The following ERAP1 variants were observed in gnomAD, a reference collection of about 807,000 sequenced individuals.
The protein encoded by ERAP1 is adipocyte-derived leucine aminopeptidase.
ERAP1 carries 86 observed loss-of-function variants against 103.7 expected under a neutral mutation model. The ratio of observed to expected loss-of-function variants is 0.83; its 90% CI spans 0.70 to 0.99. The LOEUF (loss-of-function observed/expected upper bound fraction) is 0.99. Among genes scored for constraint, ERAP1 ranks in the 50% least tolerant of loss-of-function variants. The pLI is 0.00. For missense variants in ERAP1, 1,009 were observed against 1,128.4 expected (o/e 0.89, Z 1.52); for synonymous variants, 398 against 402.4 (o/e 0.99, Z 0.13).
At chr5:96,856,677 C>A in the ERAP1 span, among the ~76,000 whole-genome samples, 1 of 152,102 alleles carries the variant, frequency 6.6e-6, no homozygotes, top group Non-Finnish European at 1.5e-5. Context: ...TGGCCTTTGG[C>A]CATAGATCCC....
At position 96,774,703 on chromosome 5, in the gene ERAP1, T is replaced by C; in HGVS notation, c.*1693A>G. On this transcript the variant is annotated 3_prime_UTR_variant, in exon 19 of 19. Transcript: ENST00000443439. ...TTAAAATCTTGGTTGTGTATTTTTT[T>C]AAAAGAAGGGAAATAGTTTAGTTTG... 1.0e-6 allele frequency: 1 copy of C among 983,204 alleles called. No individual in the cohort carries two copies. Among genetic ancestry groups the C allele is most frequent in the Non-Finnish European group, 1.2e-6 (1 of 827,776 alleles). The allele number at this position is 983,204 out of a possible 1,614,324, so 60.9% of individuals were successfully genotyped here. A position where few individuals can be genotyped will look rare whatever the true frequency, so the allele number is the denominator to read the frequency against.
chr5:96,868,640 T>C, the ERAP1 span, among the ~76,000 whole-genome samples: 1 of 152,172 alleles, frequency 6.6e-6, no homozygotes. Flanking sequence ...GGTTCTCAAA[T>C]TTTAGTGTGT....
the ERAP1 span, chr5:96,896,334 A>C: frequency 6.5e-7 from 1 of 1,541,504 alleles, no homozygotes; most frequent in Admixed American, 1.7e-5. Flanking sequence ...TTACAGTGTC[A>C]AATAGAAACT....
At chr5:96,794,586 C>T (rs1324105432) in intron 5 of ERAP1, among the ~76,000 whole-genome samples, 2 of 152,164 alleles carry the variant, frequency 1.3e-5, no homozygotes, top group Admixed American at 1.3e-4. Context: ...TTTGGATGCC[C>T]AAGACCCACA....
At chr5:96,818,765 T>C in the ERAP1 span, among the ~76,000 whole-genome samples, 1 of 152,180 alleles carries the variant, frequency 6.6e-6, no homozygotes, top group African/African-American at 2.4e-5. Context: ...CTCAATCTTA[T>C]AACCTGCTAT....
At chr5:96,764,929 T>C (rs1334122729) in intron 19 of ERAP1, among the ~76,000 whole-genome samples, 1 of 152,168 alleles carries the variant, frequency 6.6e-6, no homozygotes, top group Non-Finnish European at 1.5e-5. Flanking sequence ...CTCCTGAGGC[T>C]GCCACTAAGA....
chr5:96,909,283 A>G, the ERAP1 span, among the ~76,000 whole-genome samples: 14 of 152,214 alleles, frequency 9.2e-5, no homozygotes, highest in Non-Finnish European at 2.1e-4. Flanking sequence ...ACCATTGCCA[A>G]TCCTAAGAGC....
chr5:96,779,620 C>T (rs1561663972), intron 18 of ERAP1: 1 of 153,062 alleles, frequency 6.5e-6, no homozygotes, highest in African/African-American at 2.4e-5. Flanking sequence ...CAGCTTTTAT[C>T]TAAATGTACC....
At chr5:96,831,672 C>T in the ERAP1 span, among the ~76,000 whole-genome samples, 2 of 152,192 alleles carry the variant, frequency 1.3e-5, no homozygotes, top group Non-Finnish European at 2.9e-5. Context: ...TCTAATGTGC[C>T]CTTTTCTCTG....
intron 3 of ERAP1, among the ~76,000 whole-genome samples, chr5:96,798,324 C>CAAAAAAAAAAAAAAAA (rs3076633): frequency 1.3e-5 from 1 of 76,372 alleles, no homozygotes; most frequent in Non-Finnish European, 2.4e-5. Context: ...GACTCCATCT[C>CAAAAAAAAAAAAAAAA]AAAAAAAAAA....
At chr5:96,861,377 TC>T in the ERAP1 span, among the ~76,000 whole-genome samples, 21 of 152,178 alleles carry the variant, frequency 1.4e-4, no homozygotes, top group Non-Finnish European at 2.9e-4. Context: ...AAGGAGAGTT[TC>T]TGATGAGCAG....
the ERAP1 span, among the ~76,000 whole-genome samples, chr5:96,844,582 G>A: frequency 6.6e-6 from 1 of 152,328 alleles, no homozygotes; most frequent in African/African-American, 2.4e-5. Flanking sequence ...GCCCAAGCAA[G>A]TAATTTACAA....
rs747387844 is a variant in ERAP1, at chr5:96,776,537, G to A, written c.2685C>T (p.Phe895=). ...RTRLEEVKGF[F]SSLKENGSQL... ...GAGAACCATTTTCTTTCAAAGAGCT[G>A]AAGAATCCTTTTACCTTGTGAGGAA... The change falls in exon 19 of 19, where the codon TTC becomes TTT. Residue 895 remains phenylalanine, a synonymous_variant. Transcript: ENST00000443439. 10 of 1,613,784 alleles carry A rather than the reference G, an allele frequency of 6.2e-6. No homozygotes were observed. Among genetic ancestry groups the A allele is most frequent in the Non-Finnish European group, 8.5e-6 (10 of 1,179,948 alleles).
At chr5:96,902,188 C>A in the ERAP1 span, 3 of 884,338 alleles carry the variant, frequency 3.4e-6, no homozygotes, top group Admixed American at 5.5e-5. Flanking sequence ...TACTTAGGTG[C>A]CTTTTACAGT....
upstream of ERAP1, chr5:96,808,202 G>A (rs1278939281): frequency 1.7e-5 from 1 of 58,512 alleles, no homozygotes; most frequent in African/African-American, 4.8e-5. Flanking sequence ...GTGTGTGTGT[G>A]TGTGTGTGTG....
intron 13 of ERAP1, chr5:96,785,238 T>A: frequency 6.2e-6 from 1 of 161,974 alleles, no homozygotes; most frequent in East Asian, 1.7e-4. Context: ...CTTCACACAC[T>A]CAGAGATCAT....
At chr5:96,773,588 G>C (rs1387079288), downstream of ERAP1, 6 of 151,604 alleles carry the variant, frequency 4.0e-5, no homozygotes, top group South Asian at 1.2e-3. Context: ...AGAAACTTCT[G>C]CTTTTAAAAA....
chr5:96,876,896 TG>T, the ERAP1 span, among the ~76,000 whole-genome samples: 1 of 152,224 alleles, frequency 6.6e-6, no homozygotes, highest in Non-Finnish European at 1.5e-5. Flanking sequence ...GTCCTGATTC[TG>T]TTTCAGACTT....
chr5:96,784,303 T>G (rs1474708205), intron 13 of ERAP1, among the ~76,000 whole-genome samples: 1 of 152,172 alleles, frequency 6.6e-6, no homozygotes, highest in East Asian at 1.9e-4. Context: ...AAGACCAGCC[T>G]GGCCAACATG....
Sources: allele counts gnomAD v4.1 joint callset (sites outside exome capture counted in the v4.1 genomes callset), GRCh38; gene constraint gnomAD v4.1.1; transcripts MANE v1.5; gene names NCBI Gene and HGNC (gene_info 2026-07-23, HGNC 2026-07-21).